Variants in COG5 observed in about 807,000 individuals in gnomAD.
COG5 encodes conserved oligomeric Golgi complex subunit 5.
COG5 carries 86 observed loss-of-function variants against 110.4 expected under a neutral mutation model. The ratio of observed to expected loss-of-function variants is 0.78; its 90% CI spans 0.65 to 0.93. COG5 has a LOEUF of 0.93. Ranked by LOEUF, COG5 falls within the 40% of genes least tolerant of loss-of-function variation. COG5 has a pLI of 0.00. For synonymous variants in COG5, 360 were observed against 334.6 expected, an observed-to-expected ratio of 1.08 and a Z score of -0.83; for missense variants, 1,077 against 987.0, an observed-to-expected ratio of 1.09 and a Z score of -1.22.
intron 6 of COG5, among the ~76,000 whole-genome samples, chr7:107,428,901 A>G (rs1413626453): frequency 1.3e-5 from 2 of 152,184 alleles, no homozygotes; most frequent in East Asian, 3.9e-4. Context: ...TACTAAACAC[A>G]ATTTGCATAA....
chr7:107,563,545 G>T lies in COG5; in HGVS notation c.94+258C>A, dbSNP rs1259380834. ...GAAACTTCAGGGAAGCTGGAGGCAT[G>T]GGGGGGGGGGGGGTCGAGTTGAAAT... On this transcript the variant is annotated intron_variant, in intron 1 of 21. Transcript: ENST00000297135. 600 of 73,498 alleles carry T rather than the reference G, an allele frequency of 8.2e-3. 3 individuals carry two copies. The East Asian group carries it at 0.09, about 11-fold the overall frequency. The allele number at this position is 73,498 out of a possible 1,614,324, so 4.6% of individuals were successfully genotyped here.
At chr7:107,400,234 CA>C (rs1791325828) in intron 7 of COG5, among the ~76,000 whole-genome samples, 1 of 152,070 alleles carries the variant, frequency 6.6e-6, no homozygotes, top group South Asian at 2.1e-4. Context: ...AACAAATTAT[CA>C]ATGCACATAA....
At chr7:107,531,591 G>A (rs1383494715) in intron 5 of COG5, among the ~76,000 whole-genome samples, 2 of 138,936 alleles carry the variant, frequency 1.4e-5, no homozygotes, top group African/African-American at 5.2e-5. Flanking sequence ...TCAAAATGAA[G>A]AAATAATTTC....
chr7:107,449,690 A>T (rs969022123), intron 6 of COG5, among the ~76,000 whole-genome samples: 1 of 152,220 alleles, frequency 6.6e-6, no homozygotes, highest in Non-Finnish European at 1.5e-5. Flanking sequence ...GAAAAAGCTG[A>T]ATTGCTTGAT....
intron 18 of COG5, 40 bp from the exon 19 acceptor site, chr7:107,230,731 A>T (rs748080324): frequency 1.4e-6 from 2 of 1,463,180 alleles, no homozygotes; most frequent in Non-Finnish European, 1.9e-6. Flanking sequence ...TAATGTCAGA[A>T]TCATTAGGGG....
intron 6 of COG5, among the ~76,000 whole-genome samples, chr7:107,510,159 C>T (rs1029019411): frequency 2.1e-4 from 32 of 152,046 alleles, no homozygotes; most frequent in African/African-American, 6.5e-4. Context: ...ACCCATCTCA[C>T]GTGCAGAGAC....
intron 6 of COG5, among the ~76,000 whole-genome samples, chr7:107,469,695 A>C (rs549665716): frequency 2.8e-4 from 43 of 152,226 alleles, no homozygotes; most frequent in Admixed American, 2.6e-3. Context: ...CCTATATATG[A>C]CTAAAATATT....
intron 10 of COG5, among the ~76,000 whole-genome samples, chr7:107,343,869 ATT>A (rs150416732): frequency 1.1e-4 from 16 of 145,802 alleles, no homozygotes; most frequent in African/African-American, 4.0e-4. Context: ...GTTTGAAAGG[ATT>A]TTTTTTTTTT....
chr7:107,311,406 A>G (rs1808252587), intron 11 of COG5, among the ~76,000 whole-genome samples: 1 of 49,278 alleles, frequency 2.0e-5, no homozygotes, highest in Non-Finnish European at 4.2e-5. Context: ...TTTTTTTTTG[A>G]GACGGAGTCT....
chr7:107,504,644 G>T (rs1048204577), intron 6 of COG5, among the ~76,000 whole-genome samples: 2 of 152,008 alleles, frequency 1.3e-5, no homozygotes, highest in Non-Finnish European at 2.9e-5. Flanking sequence ...TTTCTTTGTT[G>T]GCAATTTTTT....
chr7:107,225,050 G>A (rs187779654), intron 19 of COG5, among the ~76,000 whole-genome samples: 200 of 152,352 alleles, frequency 1.3e-3, no homozygotes, highest in Non-Finnish European at 2.2e-3. Flanking sequence ...GTGTATGTAT[G>A]AGGGCGTGTG....
Position 107,382,588 on chromosome 7 carries a change from C to T in COG5, c.670-9828G>A, listed in dbSNP as rs553918606. Among the ~76,000 whole-genome samples the T allele has an allele frequency of 2.1e-3, 319 of 152,278 alleles. 2 individuals are homozygous for T. The highest frequency in any genetic ancestry group is 7.3e-3 in the African/African-American group (302 of 41,550). On this transcript the variant is annotated intron_variant, in intron 7 of 21. Transcript: ENST00000297135. ...CAGTAGCTGGGAATATAGGTGCCCA[C>T]CACCACGCCCAGCTAATTTTTTGCA...
intron 10 of COG5, among the ~76,000 whole-genome samples, chr7:107,347,104 A>G (rs766792115): frequency 4.6e-5 from 7 of 152,176 alleles, no homozygotes; most frequent in Non-Finnish European, 8.8e-5. Flanking sequence ...AGACAAACAG[A>G]AAGTTATTCT....
intron 2 of COG5, 104 bp from the exon 3 acceptor site, chr7:107,554,446 T>C: frequency 1.0e-6 from 1 of 999,556 alleles, no homozygotes; most frequent in Non-Finnish European, 1.5e-6. Flanking sequence ...ACGAGGCAAA[T>C]ACAAATACAA....
chr7:107,291,974 G>A (rs1806212533), intron 12 of COG5, among the ~76,000 whole-genome samples: 2 of 152,158 alleles, frequency 1.3e-5, no homozygotes, highest in Admixed American at 6.6e-5. Flanking sequence ...GAAGAGAATA[G>A]AGGCTGTTTT....
chr7:107,374,009 T>C lies in COG5; in HGVS notation c.670-1249A>G, dbSNP rs79311277. Among the ~76,000 whole-genome samples the C allele has an allele frequency of 1.1e-3, 163 of 152,184 alleles. 1 individual carries two copies. The highest frequency in any genetic ancestry group is 3.7e-3 in the African/African-American group (153 of 41,554). ...AGGAAACATGGCTGGTGAATAACAA[T>C]ACTCATTTGAGTTTTTTCTTTTTAA... On this transcript the variant is annotated intron_variant, in intron 7 of 21. Transcript: ENST00000297135.
intron 6 of COG5, 29 bp downstream of exon 6, chr7:107,527,207 CT>C: frequency 6.7e-7 from 1 of 1,496,840 alleles, no homozygotes; most frequent in Non-Finnish European, 9.0e-7. Flanking sequence ...TCTCTACTAA[CT>C]TTTTATTTAA....
At chr7:107,274,446 T>C (rs1227213898) in intron 14 of COG5, among the ~76,000 whole-genome samples, 1 of 152,204 alleles carries the variant, frequency 6.6e-6, no homozygotes, top group Non-Finnish European at 1.5e-5. Flanking sequence ...TATTTAATTT[T>C]GCACTGTGGA....
At chr7:107,429,001 A>G (rs997302522) in intron 6 of COG5, among the ~76,000 whole-genome samples, 1 of 152,264 alleles carries the variant, frequency 6.6e-6, no homozygotes, top group African/African-American at 2.4e-5. Flanking sequence ...TTGCTAAATA[A>G]AATGGAGGTC....
Sources: allele counts gnomAD v4.1 joint callset (sites outside exome capture counted in the v4.1 genomes callset), GRCh38; gene constraint gnomAD v4.1.1; transcripts MANE v1.5; gene names NCBI Gene and HGNC (gene_info 2026-07-23, HGNC 2026-07-21).